Variants in NLN observed in about 807,000 individuals in gnomAD.
The protein encoded by NLN is neurolysin.
In NLN, 64 loss-of-function variants were observed where a neutral mutation model predicts 79.9. The observed-to-expected ratio is 0.80, with a 90% CI of 0.65 to 0.99. The LOEUF (loss-of-function observed/expected upper bound fraction) is 0.99. Among genes scored for constraint, NLN ranks in the 50% least tolerant of loss-of-function variants. The pLI, the probability that NLN is intolerant of heterozygous loss-of-function variation, is 0.00. For missense variants in NLN, 835 were observed against 858.7 expected, an observed-to-expected ratio of 0.97 and a Z score of 0.34; for synonymous variants, 267 against 296.6, an observed-to-expected ratio of 0.90 and a Z score of 1.02.
At chr5:65,729,233 A>G (rs979250959) in intron 1 of NLN, among the ~76,000 whole-genome samples, 14 of 152,228 alleles carry the variant, frequency 9.2e-5, no homozygotes, top group Non-Finnish European at 1.9e-4. Flanking sequence ...ACCAGTAGGC[A>G]TAATCTCCAA....
chr5:65,802,640 G>T lies in NLN; in HGVS notation c.1528-6875G>T, dbSNP rs537435851. Among the ~76,000 whole-genome samples, 40 of 152,332 alleles carry T rather than the reference G, an allele frequency of 2.6e-4. 1 individual carries two copies. The Middle Eastern group carries it at 0.024, about 91-fold the overall frequency. On this transcript the variant is annotated intron_variant, in intron 9 of 12. Transcript: ENST00000380985. ...CGAGTTCCTGTCCCGTGCCCAGGAA[G>T]AAGGAGGTATACGAACAAGTGGAGG...
Position 65,748,902 on chromosome 5 carries a change from A to T in NLN, c.42-9665A>T, listed in dbSNP as rs252654. On this transcript the variant is annotated intron_variant, in intron 1 of 12. Coordinates refer to ENST00000380985, the MANE Select transcript of NLN (RefSeq NM_020726.5). ...CCCTACCCAAATCTCATCTTGAATT[A>T]TAGCTCCCATAATCCTCATGTGTCA... Among the ~76,000 whole-genome samples the T allele has an allele frequency of 1.6e-3, 245 of 152,290 alleles. 3 individuals are homozygous for T. The highest frequency in any genetic ancestry group is 7.7e-3 in the Admixed American group (117 of 15,284).
intron 1 of NLN, among the ~76,000 whole-genome samples, chr5:65,739,012 T>TTA (rs1359948958): frequency 8.6e-6 from 1 of 116,190 alleles, no homozygotes; most frequent in Non-Finnish European, 1.8e-5. Flanking sequence ...TAATATATAT[T>TTA]TATATATATA....
intron 1 of NLN, chr5:65,733,216 A>T: frequency 1.3e-6 from 2 of 1,516,446 alleles, no homozygotes; most frequent in Non-Finnish European, 1.8e-6. Context: ...CATCTGATTC[A>T]TATCCTAATG....
chr5:65,723,851 CT>C (rs1758390032), intron 1 of NLN, among the ~76,000 whole-genome samples: 1 of 134,204 alleles, frequency 7.5e-6, no homozygotes, highest in African/African-American at 2.7e-5. Context: ...AATTCTCAAA[CT>C]TTTTATTCTC....
At position 65,781,362 on chromosome 5, in the gene NLN, T is replaced by C; in HGVS notation, c.763T>C (p.Cys255Arg). The C allele has an allele frequency of 6.2e-7, 1 of 1,607,886 alleles. No individual in the cohort carries two copies. The highest frequency in any genetic ancestry group is 8.5e-7 in the Non-Finnish European group (1 of 1,174,408). Residue 255 changes from cysteine (C) to arginine (R), a missense_variant, in exon 6 of 13, where the codon TGT (cysteine) becomes CGT (arginine). Cys to Arg is a radical substitution (Grantham distance 180). Transcript: ENST00000380985. The stretch of plus-strand genomic sequence containing the variant: ...ACACTATTTCCCTGTCATGAAGAAA[T>C]GTTGTATCCCTGAAACCAGAAGAAG... ...YPHYFPVMKK[C>R]CIPETRRRME... is the part of the protein sequence containing the mutation.
At chr5:65,779,188 C>T (rs1194833294) in intron 4 of NLN, among the ~76,000 whole-genome samples, 2 of 152,110 alleles carry the variant, frequency 1.3e-5, no homozygotes, top group Non-Finnish European at 2.9e-5. Context: ...TTATAGGACT[C>T]GACTTTTAAG....
chr5:65,792,718 C>T, intron 9 of NLN, 63 bp downstream of exon 9: 1 of 1,301,394 alleles, frequency 7.7e-7, no homozygotes, highest in East Asian at 2.3e-5. Flanking sequence ...TTCTTGACTG[C>T]TGTCAGGTTT....
At chr5:65,792,377 G>A (rs2150764237) in intron 8 of NLN, 77 bp from the exon 9 acceptor site, 1 of 836,700 alleles carries the variant, frequency 1.2e-6, no homozygotes, top group South Asian at 1.6e-5. Flanking sequence ...ATGGCTTAAT[G>A]ACTGGAAGAG....
chr5:65,796,890 G>A (rs1423416295), intron 9 of NLN, among the ~76,000 whole-genome samples: 1 of 152,194 alleles, frequency 6.6e-6, no homozygotes. Context: ...CTCAGTGTTT[G>A]AGCTCTCCAC....
Position 65,812,202 on chromosome 5 carries a change from C to T in NLN, c.1844-53C>T, listed in dbSNP as rs369308026. 22 of 1,513,576 alleles carry T rather than the reference C, an allele frequency of 1.5e-5. No homozygotes were observed. In the African/African-American group the frequency reaches 2.2e-4, roughly 15 times the overall value. 93.8% of individuals were successfully genotyped at this position (1,513,576 alleles called of 1,614,324 possible). A position where few individuals can be genotyped will look rare whatever the true frequency, so the allele number is the denominator to read the frequency against. On this transcript the variant is annotated intron_variant, in intron 11 of 12. Coordinates refer to ENST00000380985, the MANE Select transcript of NLN (RefSeq NM_020726.5). ...GAGGGAAACCTTAGCTAGCTGTTAA[C>T]CTGATCATTAACGTTTGCTATCACA... is the stretch of plus-strand genomic sequence containing the variant.
At chr5:65,766,506 G>A (rs1331931574) in intron 3 of NLN, among the ~76,000 whole-genome samples, 1 of 152,138 alleles carries the variant, frequency 6.6e-6, no homozygotes, top group Non-Finnish European at 1.5e-5. Context: ...TCCCTCCCTT[G>A]ACATGCGGAA....
chr5:65,792,600 A>C lies in NLN; in HGVS notation c.1472A>C (p.Glu491Ala). Residue 491 changes from glutamate to alanine, a missense_variant, in exon 9 of 13, where the codon GAG becomes GCG. Transcript: ENST00000380985. ...CGTCCCTCTCTCCTGAGACACGACG[A>C]GGTGAGGACTTACTTTCATGAGTTT... ...AGRPSLLRHD[E>A]VRTYFHEFGH... 1 of 1,613,956 alleles carries C rather than the reference A, an allele frequency of 6.2e-7. No individual in the cohort carries two copies. Among genetic ancestry groups the C allele is most frequent in the Non-Finnish European group, 8.5e-7 (1 of 1,179,934 alleles).
rs1579927798 is a variant in NLN, at chr5:65,758,488, A to G, written c.42-79A>G. 4.2e-6 allele frequency: 4 copies of G among 949,492 alleles called. No individual in the cohort carries two copies. The East Asian group carries it at 1.0e-4, about 24-fold the overall frequency. 58.8% of individuals were successfully genotyped at this position (949,492 alleles called of 1,614,324 possible). ...AAGGTTCTTTTTAATTTAATATTTA[A>G]TTTTATAATGCACATTCATATGTTG... On this transcript the variant is annotated intron_variant, in intron 1 of 12. Coordinates refer to ENST00000380985, the MANE Select transcript of NLN (RefSeq NM_020726.5).
intron 4 of NLN, among the ~76,000 whole-genome samples, chr5:65,779,112 C>CGTTA (rs1212932335): frequency 2.0e-5 from 3 of 152,116 alleles, no homozygotes; most frequent in Non-Finnish European, 4.4e-5. Flanking sequence ...CTGAACAGTG[C>CGTTA]GTTAGGTCAG....
intron 1 of NLN, among the ~76,000 whole-genome samples, chr5:65,748,808 A>G (rs1170781271): frequency 2.0e-5 from 3 of 152,166 alleles, no homozygotes; most frequent in Non-Finnish European, 4.4e-5. Flanking sequence ...AGCCTTGTCC[A>G]CCCATCCTTA....
chr5:65,748,589 T>C (rs897526595), intron 1 of NLN, among the ~76,000 whole-genome samples: 2 of 152,008 alleles, frequency 1.3e-5, no homozygotes, highest in African/African-American at 4.8e-5. Context: ...GGAAACCCCA[T>C]CTCTACAGGA....
chr5:65,806,949 G>A (rs1760425648), intron 9 of NLN, among the ~76,000 whole-genome samples: 1 of 152,138 alleles, frequency 6.6e-6, no homozygotes, highest in Non-Finnish European at 1.5e-5. Context: ...GGCCGAGGTG[G>A]GTGGATCACC....
At chr5:65,745,793 T>C (rs1291329833) in intron 1 of NLN, among the ~76,000 whole-genome samples, 2 of 152,182 alleles carry the variant, frequency 1.3e-5, no homozygotes, top group African/African-American at 2.4e-5. Flanking sequence ...GGGAGTGTCA[T>C]GATCAGATTT....
Sources: gnomAD v4.1 joint callset for allele counts (sites outside exome capture counted in the v4.1 genomes callset) on GRCh38, gnomAD v4.1.1 for gene constraint, MANE v1.5 for transcripts, NCBI Gene and HGNC (gene_info 2026-07-23, HGNC 2026-07-21) for gene names.